C1GALT1: variants seen among roughly 807,000 people sequenced by gnomAD.
C1GALT1 encodes core 1 synthase, glycoprotein-N-acetylgalactosamine 3-beta-galactosyltransferase 1, also known as glycoprotein-N-acetylgalactosamine 3-beta-galactosyltransferase 1.
C1GALT1 carries 11 observed loss-of-function variants against 31.0 expected under a neutral mutation model. The observed-to-expected ratio is 0.36, with a 90% CI of 0.22 to 0.59. The LOEUF (loss-of-function observed/expected upper bound fraction) is 0.59. C1GALT1 is among the 20% of genes least tolerant of loss of function. C1GALT1 has a pLI of 0.79. For missense variants in C1GALT1, 424 were observed against 425.2 expected (o/e 1.00, Z 0.03); for synonymous variants, 175 against 143.6 (o/e 1.22, Z -1.56).
At chr7:7,221,847 A>C (rs74684230) in intron 1 of C1GALT1, among the ~76,000 whole-genome samples, 9,450 of 152,202 alleles carry the variant, frequency 0.062, 370 homozygotes, top group East Asian at 0.16. Flanking sequence ...CACCCTCACC[A>C]TGCCAGAGCC....
chr7:7,210,154 C>T (rs1270029281), intron 1 of C1GALT1, among the ~76,000 whole-genome samples: 5 of 152,048 alleles, frequency 3.3e-5, no homozygotes, highest in African/African-American at 9.7e-5. Flanking sequence ...CCTGACAGAA[C>T]CTGTTGAGGT....
chr7:7,219,952 T>A (rs919881914), intron 1 of C1GALT1, among the ~76,000 whole-genome samples: 4 of 152,236 alleles, frequency 2.6e-5, no homozygotes, highest in Admixed American at 6.5e-5. Context: ...GGGTATATCT[T>A]AATTTACATA....
intron 1 of C1GALT1, among the ~76,000 whole-genome samples, chr7:7,190,673 A>C (rs1270256510): frequency 2.0e-5 from 3 of 151,888 alleles, no homozygotes; most frequent in Non-Finnish European, 4.4e-5. Context: ...TTCCAGTGAT[A>C]CTCACCTATT....
At chr7:7,191,710 T>G (rs1047442645) in intron 1 of C1GALT1, among the ~76,000 whole-genome samples, 1 of 152,178 alleles carries the variant, frequency 6.6e-6, no homozygotes, top group Non-Finnish European at 1.5e-5. Flanking sequence ...AGTCTTGATT[T>G]GTTTTGCTAA....
At chr7:7,232,484 GTTT>G (rs67013405) in intron 1 of C1GALT1, among the ~76,000 whole-genome samples, 1 of 132,884 alleles carries the variant, frequency 7.5e-6, no homozygotes, top group Non-Finnish European at 1.6e-5. Flanking sequence ...AAGGGCGTGG[GTTT>G]TTTTTTTTTG....
Position 7,200,027 on chromosome 7 carries a change from T to G in C1GALT1, c.-18+17207T>G, listed in dbSNP as rs548466082. ...AGTTTGTGTCTTTTAATTGGAGCAT[T>G]TAGCCCATTTACATTTAAAGTTAAT... On this transcript the variant is annotated intron_variant, in intron 1 of 3. Coordinates refer to ENST00000436587, the MANE Select transcript of C1GALT1 (RefSeq NM_020156.5). 7.2e-5 allele frequency among the ~76,000 whole-genome samples: 11 copies of G among 152,362 alleles called. No individual in the cohort carries two copies. The East Asian group carries it at 2.1e-3, about 29-fold the overall frequency.
intron 2 of C1GALT1, among the ~76,000 whole-genome samples, chr7:7,160,874 A>T (rs1267099840): frequency 6.6e-6 from 1 of 151,758 alleles, no homozygotes; most frequent in Non-Finnish European, 1.5e-5. Flanking sequence ...ACTATAGCTG[A>T]AAAAAACCTT....
intron 1 of C1GALT1, chr7:7,210,449 C>T (rs1459138575): frequency 4.4e-5 from 4 of 90,084 alleles, no homozygotes; most frequent in Admixed American, 1.6e-4. Flanking sequence ...TTTTAAGGAG[C>T]GGAGAGTTTA....
At chr7:7,197,996 C>G (rs1380974229) in intron 1 of C1GALT1, among the ~76,000 whole-genome samples, 2 of 152,204 alleles carry the variant, frequency 1.3e-5, no homozygotes, top group Non-Finnish European at 2.9e-5. Flanking sequence ...GACAATTTGA[C>G]TTCCTCTTTT....
intron 1 of C1GALT1, among the ~76,000 whole-genome samples, chr7:7,220,422 T>G (rs1782457826): frequency 1.3e-5 from 2 of 152,246 alleles, no homozygotes; most frequent in African/African-American, 4.8e-5. Flanking sequence ...CTCCAACAGC[T>G]TGCTCAACAT....
intron 2 of C1GALT1, among the ~76,000 whole-genome samples, chr7:7,160,410 T>C (rs1780321680): frequency 6.6e-6 from 1 of 152,128 alleles, no homozygotes; most frequent in Admixed American, 6.6e-5. Flanking sequence ...ACAGATAATG[T>C]TACCTTGATT....
chr7:7,233,909 T>C (rs1032229593), intron 1 of C1GALT1, among the ~76,000 whole-genome samples: 16 of 152,226 alleles, frequency 1.1e-4, no homozygotes, highest in African/African-American at 3.9e-4. Flanking sequence ...AAGGGTTTGC[T>C]AACTTTTGGG....
At chr7:7,158,892 T>C (rs995423848) in intron 2 of C1GALT1, among the ~76,000 whole-genome samples, 3 of 152,148 alleles carry the variant, frequency 2.0e-5, no homozygotes, top group Non-Finnish European at 4.4e-5. Context: ...TAAAATTAAC[T>C]GTGTTTTAAG....
chr7:7,193,408 G>C (rs1406009748), intron 1 of C1GALT1, among the ~76,000 whole-genome samples: 2 of 152,110 alleles, frequency 1.3e-5, no homozygotes, highest in East Asian at 1.9e-4. Context: ...CTGTTGAATA[G>C]GGTGTCCTTT....
At chr7:7,239,488 TCTCACTTAATAGCCGAACAAC>T (rs1172740534) in intron 3 of C1GALT1, among the ~76,000 whole-genome samples, 2 of 152,186 alleles carry the variant, frequency 1.3e-5, no homozygotes, top group East Asian at 3.9e-4. Context: ...AATCCTGCTC[TCTCACTTAATAGCCGAACAAC>T]CTTGGATGGA....
rs1017962256 is a variant in C1GALT1 at position 7,246,300 on chromosome 7, ATT to A, written c.*2574_*2575del. 1 of 152,180 alleles carries A rather than the reference ATT, an allele frequency of 6.6e-6. No individual in the cohort carries two copies. Among genetic ancestry groups the A allele is most frequent in the Non-Finnish European group, 1.5e-5 (1 of 68,034 alleles). 9.4% of individuals were successfully genotyped at this position (152,180 alleles called of 1,614,324 possible). Reference sequence around the variant, plus strand: ...TTTATATTCAAAACCCTGTGTGTTCATTGGAACCGTATCAGGCTTGGGGCTAT... The same window carrying A: ...TTTATATTCAAAACCCTGTGTGTTCAGGAACCGTATCAGGCTTGGGGCTAT... On this transcript the variant is annotated 3_prime_UTR_variant, in exon 4 of 4. Transcript: ENST00000436587.
chr7:7,207,335 C>CTTTTTTTTTTTTTTTTTTTTTT lies in C1GALT1; in HGVS notation c.-18+24524_-18+24545dup, dbSNP rs57510429. The stretch of plus-strand genomic sequence containing the variant: ...TCTCTGTGTTTCTCTTACTCTGTTG[C>CTTTTTTTTTTTTTTTTTTTTTT]TTTTTTTTTTTTTTTTTTTTTTTTT... On this transcript the variant is annotated intron_variant, in intron 1 of 3. Coordinates refer to ENST00000436587, the MANE Select transcript of C1GALT1 (RefSeq NM_020156.5). 4.0e-4 allele frequency among the ~76,000 whole-genome samples: 19 copies of CTTTTTTTTTTTTTTTTTTTTTT among 48,006 alleles called. 7 individuals carry two copies. Among genetic ancestry groups the CTTTTTTTTTTTTTTTTTTTTTT allele is most frequent in the Non-Finnish European group, 5.8e-4 (15 of 26,070 alleles). The allele number at this position is 48,006 out of a possible 152,430, so 31.5% of individuals were successfully genotyped here. A position where few individuals can be genotyped will look rare whatever the true frequency, so the allele number is the denominator to read the frequency against.
intron 1 of C1GALT1, among the ~76,000 whole-genome samples, chr7:7,188,739 A>C (rs1042826347): frequency 4.0e-5 from 6 of 151,426 alleles, no homozygotes; most frequent in African/African-American, 1.5e-4. Flanking sequence ...ATACTAGAAA[A>C]TATTTCGGTA....
At position 7,248,296 on chromosome 7, in the gene C1GALT1, G is replaced by C. The variant is rs1783927211; in HGVS notation, c.*4569G>C. ...CTATTTCAACTCCCTTACCTCTCTA[G>C]TTTTCAGTTTATATTAAGTTTTAAT... On this transcript the variant is annotated 3_prime_UTR_variant, in exon 4 of 4. Coordinates refer to ENST00000436587, the MANE Select transcript of C1GALT1 (RefSeq NM_020156.5). The C allele has an allele frequency of 6.6e-6, 1 of 151,770 alleles. No homozygotes were observed. Among genetic ancestry groups the C allele is most frequent in the South Asian group, 2.1e-4 (1 of 4,824 alleles). The allele number at this position is 151,770 out of a possible 1,614,324, so 9.4% of individuals were successfully genotyped here. A position where few individuals can be genotyped will look rare whatever the true frequency, so the allele number is the denominator to read the frequency against.
Sources: allele counts gnomAD v4.1 joint callset (sites outside exome capture counted in the v4.1 genomes callset), GRCh38; gene constraint gnomAD v4.1.1; transcripts MANE v1.5; gene names NCBI Gene and HGNC (gene_info 2026-07-23, HGNC 2026-07-21).